DENND1A: variants seen among roughly 807,000 people sequenced by gnomAD.
The protein encoded by DENND1A is DENN domain-containing protein 1A.
Under a neutral mutation model 113.7 loss-of-function variants are expected in DENND1A, and 51 were observed. The ratio of observed to expected loss-of-function variants is 0.45; its 90% CI spans 0.36 to 0.57. DENND1A has a LOEUF of 0.57. Ranked by LOEUF, DENND1A falls within the 20% of genes least tolerant of loss-of-function variation. DENND1A has a pLI of 0.00. For missense variants in DENND1A, 1,258 were observed against 1,395.9 expected (o/e 0.90, Z 1.57); for synonymous variants, 565 against 570.8 (o/e 0.99, Z 0.14).
chr9:123,802,383 T>C (rs1385312766), intron 2 of DENND1A, among the ~76,000 whole-genome samples: 3 of 142,478 alleles, frequency 2.1e-5, no homozygotes, highest in African/African-American at 7.9e-5. Context: ...CCCTCCTCCC[T>C]ACCACACCAA....
rs539128107 is a variant in DENND1A at position 123,812,219 on chromosome 9, T to C, written c.89-19589A>G. On this transcript the variant is annotated intron_variant, in intron 2 of 23. Coordinates refer to ENST00000394215, the MANE Select transcript of DENND1A (RefSeq NM_001352964.2). ...ATTTTTAACATTTATATATCTGATA[T>C]TTTGCAGATAGTACTTTTAGCCTGT... 2.6e-5 allele frequency among the ~76,000 whole-genome samples: 4 copies of C among 152,348 alleles called. 2 individuals carry two copies. The South Asian group carries it at 8.3e-4, about 32-fold the overall frequency.
chr9:123,388,528 G>A (rs1333638070), intron 21 of DENND1A, among the ~76,000 whole-genome samples: 9 of 152,224 alleles, frequency 5.9e-5, no homozygotes, highest in Admixed American at 3.9e-4. Context: ...GAGCTCTCGC[G>A]AGAAGGCCCT....
intron 13 of DENND1A, among the ~76,000 whole-genome samples, chr9:123,484,946 G>GAGGCA (rs1477730229): frequency 6.6e-6 from 1 of 152,186 alleles, no homozygotes; most frequent in African/African-American, 2.4e-5. Flanking sequence ...TCTGTAACAT[G>GAGGCA]GAGGTAGTAA....
intron 11 of DENND1A, among the ~76,000 whole-genome samples, chr9:123,600,830 TAA>T (rs111709215): frequency 7.2e-5 from 10 of 138,842 alleles, no homozygotes; most frequent in Non-Finnish European, 4.7e-5. Flanking sequence ...GACTCCATCA[TAA>T]AAAAAAAAAA....
At chr9:123,835,859 T>C (rs1840980255) in intron 2 of DENND1A, among the ~76,000 whole-genome samples, 1 of 152,128 alleles carries the variant, frequency 6.6e-6, no homozygotes, top group South Asian at 2.1e-4. Flanking sequence ...TGGTATATGG[T>C]ATATATGCTA....
intron 18 of DENND1A, among the ~76,000 whole-genome samples, chr9:123,448,842 C>T (rs1383234679): frequency 6.6e-6 from 1 of 152,230 alleles, no homozygotes; most frequent in Non-Finnish European, 1.5e-5. Flanking sequence ...TCCTTCGACC[C>T]TTTCAAGTTA....
intron 5 of DENND1A, among the ~76,000 whole-genome samples, chr9:123,679,467 AG>A (rs1427799363): frequency 1.3e-5 from 2 of 152,354 alleles, no homozygotes; most frequent in East Asian, 3.9e-4. Flanking sequence ...ACTGGCCACA[AG>A]AAGTTTTGCA....
rs2062696742 is a variant in DENND1A at position 123,652,197 on chromosome 9, TAA to T, written c.508-76_508-75del. On this transcript the variant is annotated intron_variant, in intron 8 of 23. Coordinates refer to ENST00000394215, the MANE Select transcript of DENND1A (RefSeq NM_001352964.2). ...ATTATAACTGTATCTAATAAGAGCATAAGAAACATAAAATAATCAGAAAGTAT... is the reference window on the plus strand; with the variant it reads ...ATTATAACTGTATCTAATAAGAGCATGAAACATAAAATAATCAGAAAGTAT... 7 of 1,223,788 alleles carry T rather than the reference TAA, an allele frequency of 5.7e-6. No homozygotes were observed. The South Asian group carries it at 9.0e-5, about 16-fold the overall frequency. The allele number at this position is 1,223,788 out of a possible 1,614,324, so 75.8% of individuals were successfully genotyped here.
intron 13 of DENND1A, among the ~76,000 whole-genome samples, chr9:123,476,843 A>G (rs1304674418): frequency 6.6e-6 from 1 of 152,158 alleles, no homozygotes; most frequent in Non-Finnish European, 1.5e-5. Flanking sequence ...ACTTCTCTAG[A>G]TTCACATGGG....
chr9:123,553,034 A>T (rs747059070), intron 13 of DENND1A, among the ~76,000 whole-genome samples: 3 of 152,198 alleles, frequency 2.0e-5, no homozygotes, highest in Non-Finnish European at 4.4e-5. Flanking sequence ...GGGCTGAAGG[A>T]TCACTCGAGC....
At chr9:123,621,377 G>C (rs1376932398) in intron 10 of DENND1A, among the ~76,000 whole-genome samples, 1 of 151,938 alleles carries the variant, frequency 6.6e-6, no homozygotes, top group African/African-American at 2.4e-5. Context: ...AGTAGAGATG[G>C]GGTTTCACTA....
Position 123,452,424 on chromosome 9 carries a change from A to G in DENND1A, c.1228-77T>C, listed in dbSNP as rs2047790495. ...CACCAACAAAGACTGCTTCTCTTCA[A>G]TCGAGTTAAGCAACATTTCAAAGGT... On this transcript the variant is annotated intron_variant, in intron 16 of 23. Transcript: ENST00000394215. 3 of 1,179,548 alleles carry G rather than the reference A, an allele frequency of 2.5e-6. No individual in the cohort carries two copies. In the African/African-American group the frequency reaches 4.5e-5, roughly 18 times the overall value. 73.1% of individuals were successfully genotyped at this position (1,179,548 alleles called of 1,614,324 possible). A position where few individuals can be genotyped will look rare whatever the true frequency, so the allele number is the denominator to read the frequency against.
intron 21 of DENND1A, among the ~76,000 whole-genome samples, chr9:123,391,760 T>TGAAA (rs2042857790): frequency 1.7e-4 from 2 of 12,088 alleles, no homozygotes; most frequent in African/African-American, 4.8e-4. Flanking sequence ...AGGCAGAATA[T>TGAAA]GAAAAAAAAA....
intron 13 of DENND1A, among the ~76,000 whole-genome samples, chr9:123,539,037 A>G (rs2056075418): frequency 6.6e-6 from 1 of 151,912 alleles, no homozygotes; most frequent in African/African-American, 2.4e-5. Context: ...GTCTCTTTAT[A>G]AAAATATTCC....
At chr9:123,821,055 A>G (rs867402842) in intron 2 of DENND1A, among the ~76,000 whole-genome samples, 12 of 152,260 alleles carry the variant, frequency 7.9e-5, no homozygotes, top group African/African-American at 2.9e-4. Context: ...CTGACAAGCT[A>G]AACCATCTGG....
intron 11 of DENND1A, among the ~76,000 whole-genome samples, chr9:123,603,448 C>A (rs973255571): frequency 1.3e-5 from 2 of 152,224 alleles, no homozygotes; most frequent in Non-Finnish European, 2.9e-5. Context: ...ATGCTGTCCT[C>A]TGAATGGCGG....
At chr9:123,646,839 G>A (rs2062362464) in intron 9 of DENND1A, among the ~76,000 whole-genome samples, 1 of 152,146 alleles carries the variant, frequency 6.6e-6, no homozygotes, top group East Asian at 1.9e-4. Flanking sequence ...CAAGCAGAGT[G>A]ACTGGCCTCA....
chr9:123,439,706 C>T (rs1208362437), intron 19 of DENND1A: 4 of 151,958 alleles, frequency 2.6e-5, no homozygotes, highest in South Asian at 2.1e-4. Context: ...CAATTCAGGA[C>T]AGGTAGGAAA....
chr9:123,636,321 CT>C (rs201586032), intron 9 of DENND1A, among the ~76,000 whole-genome samples: 6,508 of 145,694 alleles, frequency 0.045, 157 homozygotes, highest in South Asian at 0.06. Flanking sequence ...TCTGATTCCT[CT>C]TTTTTTTTTT....
Sources: gnomAD v4.1 joint callset for allele counts (sites outside exome capture counted in the v4.1 genomes callset) on GRCh38, gnomAD v4.1.1 for gene constraint, MANE v1.5 for transcripts, NCBI Gene and HGNC (gene_info 2026-07-23, HGNC 2026-07-21) for gene names.